Variants in GRIP2 observed in about 807,000 individuals in gnomAD.
GRIP2 encodes glutamate receptor-interacting protein 2.
In GRIP2, 58 loss-of-function variants were observed where a neutral mutation model predicts 108.3. The observed-to-expected ratio is 0.54, with a 90% CI of 0.43 to 0.67. GRIP2 has a LOEUF of 0.67. GRIP2 is among the 30% of genes least tolerant of loss of function. The pLI is 0.00. For missense variants in GRIP2, 1,278 were observed against 1,430.6 expected (o/e 0.89, Z 1.72); for synonymous variants, 586 against 598.2 (o/e 0.98, Z 0.30).
chr3:14,517,250 C>G (rs561524237), intron 10 of GRIP2, 37 bp from the exon 11 acceptor site: 2 of 1,491,544 alleles, frequency 1.3e-6, no homozygotes, highest in African/African-American at 2.9e-5. Context: ...GAACCCCAGC[C>G]GAGGCTCTCC....
At chr3:14,586,712 G>T in the GRIP2 span, among the ~76,000 whole-genome samples, 3,488 of 152,306 alleles carry the variant, frequency 0.023, 87 homozygotes, top group African/African-American at 0.057. Context: ...TGAATTGCAT[G>T]ATAGACTGAT....
At chr3:14,531,518 G>A (rs1173669307) in intron 1 of GRIP2, among the ~76,000 whole-genome samples, 1 of 152,168 alleles carries the variant, frequency 6.6e-6, no homozygotes, top group Non-Finnish European at 1.5e-5. Flanking sequence ...GGCATATTCT[G>A]GTTTCTCCTC....
At chr3:14,574,043 G>A in the GRIP2 span, 10 of 1,498,820 alleles carry the variant, frequency 6.7e-6, no homozygotes, top group African/African-American at 1.4e-4. Flanking sequence ...CGATCCAGAA[G>A]TTCTCCTGCT....
In GRIP2 at chr3:14,491,089, G is replaced by A. The variant is rs1701325279; in HGVS notation, c.*2576C>T. ...TTGAATTAATGAATCATCAAAAGCAGGTGAGATGTCACCAGACCCATACAG... is the reference window on the plus strand; with the variant it reads ...TTGAATTAATGAATCATCAAAAGCAAGTGAGATGTCACCAGACCCATACAG... On this transcript the variant is annotated 3_prime_UTR_variant, in exon 24 of 24. Transcript: ENST00000621039. 1 of 152,164 alleles carries A rather than the reference G, an allele frequency of 6.6e-6. No individual in the cohort carries two copies. Among genetic ancestry groups the A allele is most frequent in the African/African-American group, 2.4e-5 (1 of 41,440 alleles). The allele number at this position is 152,164 out of a possible 1,614,324, so 9.4% of individuals were successfully genotyped here.
chr3:14,586,460 A>G, the GRIP2 span, among the ~76,000 whole-genome samples: 1 of 152,216 alleles, frequency 6.6e-6, no homozygotes, highest in South Asian at 2.1e-4. Flanking sequence ...GGCAGGCAGG[A>G]GAGGCAGCAA....
the GRIP2 span, among the ~76,000 whole-genome samples, chr3:14,568,557 G>A: frequency 1.6e-4 from 24 of 152,276 alleles, no homozygotes; most frequent in East Asian, 5.8e-4. Context: ...TGTCATGAGC[G>A]TCTCCTTGGG....
In GRIP2 at chr3:14,510,280, TG is replaced by T. The variant is rs370964967; in HGVS notation, c.1934-317del. ...GTTGTTTTTTTTTTTTTTTTTTTTT[TG>T]AGACAGAGTCTTGCTCTGCTGCCCA... On this transcript the variant is annotated intron_variant, in intron 16 of 23. Transcript: ENST00000621039. 2.4e-3 allele frequency among the ~76,000 whole-genome samples: 281 copies of T among 116,990 alleles called. 1 individual carries two copies. The highest frequency in any genetic ancestry group is 7.2e-3 in the African/African-American group (244 of 33,882). The allele number at this position is 116,990 out of a possible 152,430, so 76.7% of individuals were successfully genotyped here. A position where few individuals can be genotyped will look rare whatever the true frequency, so the allele number is the denominator to read the frequency against.
chr3:14,517,014 C>G, intron 11 of GRIP2, 50 bp downstream of exon 11: 3 of 1,446,230 alleles, frequency 2.1e-6, no homozygotes, highest in Non-Finnish European at 2.7e-6. Flanking sequence ...GCAAGCCTCA[C>G]TCTCAGACAT....
the GRIP2 span, among the ~76,000 whole-genome samples, chr3:14,598,276 C>T: frequency 6.6e-6 from 1 of 151,598 alleles, no homozygotes; most frequent in Non-Finnish European, 1.5e-5. Context: ...TCAAAAGCCG[C>T]CTTATCGTCT....
chr3:14,495,308 C>T (rs1242597566), intron 22 of GRIP2, among the ~76,000 whole-genome samples: 1 of 152,328 alleles, frequency 6.6e-6, no homozygotes, highest in African/African-American at 2.4e-5. Flanking sequence ...CTCCCCTGAC[C>T]GTCACTCATT....
chr3:14,550,092 A>T (rs1695121208), intron 1 of GRIP2, among the ~76,000 whole-genome samples: 1 of 152,158 alleles, frequency 6.6e-6, no homozygotes, highest in Non-Finnish European at 1.5e-5. Flanking sequence ...CAACGACCAC[A>T]TGTTTGAGGA....
chr3:14,572,655 C>T, the GRIP2 span, among the ~76,000 whole-genome samples: 2 of 143,754 alleles, frequency 1.4e-5, no homozygotes, highest in Non-Finnish European at 3.0e-5. Flanking sequence ...AAGATTATCA[C>T]AGGAAGTAGT....
intron 17 of GRIP2, among the ~76,000 whole-genome samples, chr3:14,509,065 G>A (rs899872181): frequency 1.3e-5 from 2 of 152,098 alleles, no homozygotes; most frequent in African/African-American, 2.4e-5. Flanking sequence ...TCTGCAGTCT[G>A]CCAGGTGTCC....
chr3:14,601,553 T>G, the GRIP2 span, among the ~76,000 whole-genome samples: 1 of 152,106 alleles, frequency 6.6e-6, no homozygotes, highest in Non-Finnish European at 1.5e-5. Flanking sequence ...GAGGGTCTGC[T>G]CCCTCGCTGG....
rs1489641967 is a variant in GRIP2, at chr3:14,494,965, G to T, written c.2848C>A (p.Arg950=). The change falls in exon 23 of 24, where the codon CGG becomes AGG. Residue 950 remains arginine, a synonymous_variant. Coordinates refer to ENST00000621039, the MANE Select transcript of GRIP2 (RefSeq NM_001080423.4). ...HKVTLHKDPM[R]HDFGFSVSDG... Reference sequence around the variant, plus strand: ...GAGACGCTGAAACCAAAGTCATGCCGCATGGGGTCCTTGTGCAGGGTCACC... The same window carrying T: ...GAGACGCTGAAACCAAAGTCATGCCTCATGGGGTCCTTGTGCAGGGTCACC... 1 of 1,613,884 alleles carries T rather than the reference G, an allele frequency of 6.2e-7. No individual in the cohort carries two copies. The highest frequency in any genetic ancestry group is 8.5e-7 in the Non-Finnish European group (1 of 1,179,822).
chr3:14,505,597 G>A lies in GRIP2; in HGVS notation c.2573+18C>T, dbSNP rs377608784. 243 of 1,604,538 alleles carry A rather than the reference G, an allele frequency of 1.5e-4. 1 individual carries two copies. The African/African-American group carries it at 1.7e-3, about 11-fold the overall frequency. ...ACACTGTGACTCCCTCCTCCTTCACGGTGCTCCCACCACAGACCTCGTTGG... is the reference window on the plus strand; with the variant it reads ...ACACTGTGACTCCCTCCTCCTTCACAGTGCTCCCACCACAGACCTCGTTGG... On this transcript the variant is annotated intron_variant, in intron 20 of 23. Coordinates refer to ENST00000621039, the MANE Select transcript of GRIP2 (RefSeq NM_001080423.4). The surrounding 1 kb of genome is among the most constrained non-coding windows in gnomAD (Gnocchi z 4.2).
At chr3:14,506,688 C>G (rs1191950546) in intron 19 of GRIP2, 113 bp downstream of exon 19, 1 of 1,044,584 alleles carries the variant, frequency 9.6e-7, no homozygotes, top group Admixed American at 3.2e-5. Flanking sequence ...TAAAGGATGC[C>G]AGGAGAGGAG....
At chr3:14,541,188 A>G (rs1251269743), upstream of GRIP2, among the ~76,000 whole-genome samples, 1 of 152,240 alleles carries the variant, frequency 6.6e-6, no homozygotes, top group Non-Finnish European at 1.5e-5. Flanking sequence ...CCTGTCTGTG[A>G]GAAGGGGTGG....
the GRIP2 span, among the ~76,000 whole-genome samples, chr3:14,589,747 C>T: frequency 6.6e-6 from 1 of 151,758 alleles, no homozygotes; most frequent in Non-Finnish European, 1.5e-5. Context: ...GCCTCTACTT[C>T]CCCCACAATC....
Sources: gnomAD v4.1 joint callset for allele counts (sites outside exome capture counted in the v4.1 genomes callset) on GRCh38, gnomAD v4.1.1 for gene constraint, Gnocchi (gnomAD v3.1) non-coding constraint, MANE v1.5 for transcripts, NCBI Gene and HGNC (gene_info 2026-07-23, HGNC 2026-07-21) for gene names.